The following HS3ST5 variants were observed in gnomAD, a reference collection of about 807,000 sequenced individuals.
The protein encoded by HS3ST5 is heparan sulfate glucosamine 3-O-sulfotransferase 5.
Under a neutral mutation model 25.4 loss-of-function variants are expected in HS3ST5, and 10 were observed. That is an observed-to-expected ratio of 0.39 (90% CI 0.24 to 0.67). The LOEUF is 0.67. Among genes scored for constraint, HS3ST5 ranks in the 30% least tolerant of loss-of-function variants. The pLI, the probability that HS3ST5 is intolerant of heterozygous loss-of-function variation, is 0.44. For missense variants in HS3ST5, 324 were observed against 420.7 expected, an observed-to-expected ratio of 0.77 and a Z score of 2.01; for synonymous variants, 170 against 162.4, an observed-to-expected ratio of 1.05 and a Z score of -0.36.
chr6:114,326,590 G>C (rs904013776), intron 1 of HS3ST5, among the ~76,000 whole-genome samples: 2 of 152,116 alleles, frequency 1.3e-5, no homozygotes, highest in Non-Finnish European at 2.9e-5. Context: ...ATGTAATTTT[G>C]GAAAGTTTTC....
chr6:114,316,026 G>A (rs1775733007), intron 1 of HS3ST5, among the ~76,000 whole-genome samples: 1 of 152,130 alleles, frequency 6.6e-6, no homozygotes, highest in Non-Finnish European at 1.5e-5. Flanking sequence ...ACCACAAGCT[G>A]CCAAGGCTTT....
intron 3 of HS3ST5, among the ~76,000 whole-genome samples, chr6:114,160,691 C>CA (rs1778904236): frequency 6.6e-6 from 1 of 151,842 alleles, no homozygotes; most frequent in African/African-American, 2.4e-5. Context: ...TAGTTCTTAC[C>CA]AAAAAGAAAT....
intron 3 of HS3ST5, among the ~76,000 whole-genome samples, chr6:114,093,705 A>G (rs886832497): frequency 1.3e-5 from 2 of 152,062 alleles, no homozygotes; most frequent in African/African-American, 2.4e-5. Flanking sequence ...TGACAGATGC[A>G]TGGACAACCC....
At chr6:114,232,348 A>G (rs913450710) in intron 1 of HS3ST5, among the ~76,000 whole-genome samples, 1 of 151,916 alleles carries the variant, frequency 6.6e-6, no homozygotes, top group Non-Finnish European at 1.5e-5. Context: ...TTATTTCCAT[A>G]TTTATTTATT....
At chr6:114,200,848 C>A (rs1780979418) in intron 2 of HS3ST5, among the ~76,000 whole-genome samples, 1 of 152,216 alleles carries the variant, frequency 6.6e-6, no homozygotes, top group Admixed American at 6.5e-5. Context: ...TGCACTTCCT[C>A]ATCAGCACCT....
intron 1 of HS3ST5, among the ~76,000 whole-genome samples, chr6:114,322,439 C>A (rs1481484207): frequency 6.6e-6 from 1 of 152,028 alleles, no homozygotes; most frequent in East Asian, 1.9e-4. Flanking sequence ...TTATAATCTA[C>A]ATTTGCTCAC....
At chr6:114,236,937 C>T (rs933143799) in intron 1 of HS3ST5, among the ~76,000 whole-genome samples, 2 of 152,098 alleles carry the variant, frequency 1.3e-5, no homozygotes, top group Admixed American at 1.3e-4. Flanking sequence ...TCAGTACTGC[C>T]GACGCCGGGC....
chr6:114,335,571 A>G (rs777658412), intron 1 of HS3ST5, among the ~76,000 whole-genome samples: 2 of 152,218 alleles, frequency 1.3e-5, no homozygotes, highest in African/African-American at 2.4e-5. Context: ...GAGGATACAC[A>G]TTCCAAAGAA....
chr6:114,281,324 C>G (rs1774099259), intron 1 of HS3ST5, among the ~76,000 whole-genome samples: 1 of 152,002 alleles, frequency 6.6e-6, no homozygotes, highest in Non-Finnish European at 1.5e-5. Flanking sequence ...AGTGTCAGAT[C>G]TAATTCTTGG....
intron 1 of HS3ST5, among the ~76,000 whole-genome samples, chr6:114,305,210 A>G (rs1775238778): frequency 2.0e-5 from 3 of 152,158 alleles, no homozygotes; most frequent in Admixed American, 6.6e-5. Context: ...AATCATATTC[A>G]TTAATATCAC....
chr6:114,297,281 G>T (rs1490043678), intron 1 of HS3ST5, among the ~76,000 whole-genome samples: 1 of 152,054 alleles, frequency 6.6e-6, no homozygotes, highest in Non-Finnish European at 1.5e-5. Context: ...AATGATTTCT[G>T]CCTTCACAGG....
intron 1 of HS3ST5, among the ~76,000 whole-genome samples, chr6:114,300,088 G>A (rs998183024): frequency 6.6e-6 from 1 of 151,520 alleles, no homozygotes; most frequent in Non-Finnish European, 1.5e-5. Flanking sequence ...AATATGCCTA[G>A]TATTTTAGGC....
At chr6:114,175,725 T>A (rs1380302941) in intron 2 of HS3ST5, among the ~76,000 whole-genome samples, 2 of 152,184 alleles carry the variant, frequency 1.3e-5, no homozygotes, top group African/African-American at 4.8e-5. Context: ...TAAGTCAAGA[T>A]TAAAAATATG....
intron 1 of HS3ST5, among the ~76,000 whole-genome samples, chr6:114,300,284 T>C (rs1775017215): frequency 6.6e-6 from 1 of 152,074 alleles, no homozygotes; most frequent in Non-Finnish European, 1.5e-5. Context: ...TTTGTATATA[T>C]AACATATAAA....
chr6:114,158,688 G>A (rs1047649207), intron 3 of HS3ST5, among the ~76,000 whole-genome samples: 2 of 152,140 alleles, frequency 1.3e-5, no homozygotes, highest in African/African-American at 2.4e-5. Flanking sequence ...ATGTATTGAG[G>A]ACTTGTTCTT....
chr6:114,091,748 T>A (rs1775132350), intron 3 of HS3ST5, among the ~76,000 whole-genome samples: 1 of 152,210 alleles, frequency 6.6e-6, no homozygotes, highest in African/African-American at 2.4e-5. Context: ...TGTTTTGGCC[T>A]TTCCCAACAA....
chr6:114,306,042 A>G (rs930024358), intron 1 of HS3ST5, among the ~76,000 whole-genome samples: 1 of 152,068 alleles, frequency 6.6e-6, no homozygotes. Context: ...CTGTACAATT[A>G]CCATTGCATT....
rs139157348 is a variant in HS3ST5, at chr6:114,300,123, A to G, written c.-339+42072T>C. Among the ~76,000 whole-genome samples, 1,267 of 152,036 alleles carry G rather than the reference A, an allele frequency of 8.3e-3. 8 individuals carry two copies. The highest frequency in any genetic ancestry group is 0.013 in the Non-Finnish European group (896 of 67,970). ...CAGTCTTTTTTTTTTTAGATATGAC[A>G]CCAAAAGTATGGATGAGAAAAGAAA... On this transcript the variant is annotated intron_variant, in intron 1 of 4. Transcript: ENST00000312719.
At chr6:114,202,638 CTT>C (rs909482109) in intron 2 of HS3ST5, among the ~76,000 whole-genome samples, 6 of 152,144 alleles carry the variant, frequency 3.9e-5, no homozygotes, top group Admixed American at 2.6e-4. Flanking sequence ...AAAATCCTCT[CTT>C]AGGAAATCAT....
Sources: gnomAD v4.1 joint callset for allele counts (sites outside exome capture counted in the v4.1 genomes callset) on GRCh38, gnomAD v4.1.1 for gene constraint, MANE v1.5 for transcripts, NCBI Gene and HGNC (gene_info 2026-07-23, HGNC 2026-07-21) for gene names.